IGF2: variants seen among roughly 807,000 people sequenced by gnomAD.
IGF2 encodes the protein insulin like growth factor 2.
In IGF2, 2 loss-of-function variants were observed where a neutral mutation model predicts 12.0. That is an observed-to-expected ratio of 0.17 (90% CI 0.07 to 0.52). The LOEUF (loss-of-function observed/expected upper bound fraction) is 0.52, where lower values mean the gene tolerates loss of function less well. Among genes scored for constraint, IGF2 ranks in the 20% least tolerant of loss-of-function variants. IGF2 has a pLI of 0.95. For missense variants in IGF2, 211 were observed against 268.0 expected (o/e 0.79, Z 1.48); for synonymous variants, 105 against 110.1 (o/e 0.95, Z 0.29).
the IGF2 span, chr11:2,149,186 G>A: frequency 3.1e-6 from 5 of 1,613,346 alleles, no homozygotes; most frequent in Admixed American, 3.3e-5. Flanking sequence ...GAGGACCGGG[G>A]AGTCACTGGT....
rs538267300 is a variant in IGF2 at position 2,132,902 on chromosome 11, C to T, written c.*85G>A. Reference sequence around the variant, plus strand: ...GGGGGACGTGGAACCGAGAGATTTTCGGGATGGAACCTGATGGAAACGTCC... The same window carrying T: ...GGGGGACGTGGAACCGAGAGATTTTTGGGATGGAACCTGATGGAAACGTCC... On this transcript the variant is annotated 3_prime_UTR_variant, in exon 4 of 4. Coordinates refer to ENST00000416167, the MANE Select transcript of IGF2 (RefSeq NM_000612.6). 4.2e-5 allele frequency: 40 copies of T among 947,624 alleles called. No homozygotes were observed. In the Middle Eastern group the frequency reaches 1.2e-3, roughly 27 times the overall value. 58.7% of individuals were successfully genotyped at this position (947,624 alleles called of 1,614,324 possible).
At chr11:2,135,335 C>T (rs761808178) in intron 2 of IGF2, 32 bp downstream of exon 2, 2 of 1,572,670 alleles carry the variant, frequency 1.3e-6, no homozygotes, top group Non-Finnish European at 1.7e-6. Flanking sequence ...GGGGCCTGAC[C>T]AGGTCTGAGG....
the IGF2 span, chr11:2,146,303 C>T: frequency 3.7e-6 from 2 of 536,338 alleles, no homozygotes; most frequent in South Asian, 2.8e-5. Context: ...ATTTTACAAA[C>T]CCAGCTCCTT....
chr11:2,133,118 G>C lies in IGF2; in HGVS notation c.412C>G (p.Arg138Gly), dbSNP rs371682005. The C allele has an allele frequency of 1.9e-6, 3 of 1,606,930 alleles. No homozygotes were observed. The highest frequency in any genetic ancestry group is 2.6e-6 in the Non-Finnish European group (3 of 1,176,300). ...RGLPALLRAR[R>G]GHVLAKELEA... Reference sequence around the variant, plus strand: ...AGCTCCTTGGCGAGCACGTGACCCCGGCGGGCACGCAGGAGGGCAGGCAGG... The same window carrying C: ...AGCTCCTTGGCGAGCACGTGACCCCCGCGGGCACGCAGGAGGGCAGGCAGG... Residue 138 changes from arginine to glycine, a missense_variant, in exon 4 of 4, where the codon CGG (arginine) becomes GGG (glycine). Arg to Gly is a moderately radical substitution (Grantham distance 125). Coordinates refer to ENST00000416167, the MANE Select transcript of IGF2 (RefSeq NM_000612.6). This position sits in a 1 kb window ranked among gnomAD's most constrained non-coding sequence, Gnocchi z 8.9.
At position 2,132,016 on chromosome 11, in the gene IGF2, ATC is replaced by A. The variant is rs1183929043; in HGVS notation, c.*969_*970del. The A allele has an allele frequency of 1.8e-4, 8 of 44,092 alleles. No homozygotes were observed. The South Asian group carries it at 4.0e-3, about 22-fold the overall frequency. The allele number at this position is 44,092 out of a possible 1,614,324, so 2.7% of individuals were successfully genotyped here. A position where few individuals can be genotyped will look rare whatever the true frequency, so the allele number is the denominator to read the frequency against. On this transcript the variant is annotated 3_prime_UTR_variant, in exon 4 of 4. Transcript: ENST00000416167. The stretch of plus-strand genomic sequence containing the variant: ...GCGTTTGTGTGTGTGCTGTGTGCTC[ATC>A]TGTGTGCTGTGTGTGCTGTGCGTTT...
chr11:2,140,675 G>C, upstream of IGF2: 1 of 474,662 alleles, frequency 2.1e-6, no homozygotes, highest in Non-Finnish European at 4.1e-6. Flanking sequence ...GGATTTCGGG[G>C]CGCCCAGCAG....
At chr11:2,137,560 T>A (rs1283686707) in intron 1 of IGF2, among the ~76,000 whole-genome samples, 1 of 151,404 alleles carries the variant, frequency 6.6e-6, no homozygotes, top group Non-Finnish European at 1.5e-5. Context: ...CACCTCCTTG[T>A]ATGGAAACTT....
chr11:2,142,100 G>A (rs1467923995), upstream of IGF2, among the ~76,000 whole-genome samples: 1 of 151,956 alleles, frequency 6.6e-6, no homozygotes, highest in East Asian at 1.9e-4. The surrounding 1 kb of genome is among the most constrained non-coding windows in gnomAD (Gnocchi z 5.7). Flanking sequence ...GATTTCTTGG[G>A]ACCCAGGGAC....
At position 2,133,089 on chromosome 11, in the gene IGF2, C is replaced by T. The variant is rs139194127; in HGVS notation, c.441G>A (p.Glu147=). Residue 147 remains glutamate (E), a synonymous_variant, in exon 4 of 4, where the codon GAG becomes GAA. Transcript: ENST00000416167. This position sits in a 1 kb window ranked among gnomAD's most constrained non-coding sequence, Gnocchi z 8.9. Reference sequence around the variant, plus strand: ...GGTGACGTTTGGCCTCCCTGAACGCCTCGAGCTCCTTGGCGAGCACGTGAC... The same window carrying T: ...GGTGACGTTTGGCCTCCCTGAACGCTTCGAGCTCCTTGGCGAGCACGTGAC... ...RRGHVLAKEL[E]AFREAKRHRP... is the part of the protein sequence containing the mutation. The T allele has an allele frequency of 8.0e-5, 128 of 1,608,020 alleles. No individual in the cohort carries two copies. The highest frequency in any genetic ancestry group is 5.1e-5 in the Admixed American group (3 of 59,272).
the IGF2 span, chr11:2,146,430 G>A: frequency 2.6e-5 from 14 of 532,738 alleles, no homozygotes; most frequent in South Asian, 1.1e-4. Context: ...GCGTCAGCCC[G>A]GCCGGCCTGG....
At position 2,131,792 on chromosome 11, in the gene IGF2, AGTGT is replaced by A. The variant is rs59630895; in HGVS notation, c.*1191_*1194del. On this transcript the variant is annotated 3_prime_UTR_variant, in exon 4 of 4. Transcript: ENST00000416167. ...TGTCTTTGTGTGTGTGCTGTGTGCT[AGTGT>A]GTGTGCTGTGTGTGCATGTGTGTGC... 0.63 allele frequency: 101,741 copies of A among 161,476 alleles called. 30,131 individuals carry two copies. Among genetic ancestry groups the A allele is most frequent in the Admixed American group, 0.71 (9,805 of 13,724 alleles). 10.0% of individuals were successfully genotyped at this position (161,476 alleles called of 1,614,324 possible). A position where few individuals can be genotyped will look rare whatever the true frequency, so the allele number is the denominator to read the frequency against.
At position 2,131,772 on chromosome 11, in the gene IGF2, TTGTG is replaced by T. The variant is rs552914810; in HGVS notation, c.*1211_*1214del. 60 of 177,038 alleles carry T rather than the reference TTGTG, an allele frequency of 3.4e-4. No homozygotes were observed. Among genetic ancestry groups the T allele is most frequent in the African/African-American group, 1.5e-3 (55 of 36,126 alleles). The allele number at this position is 177,038 out of a possible 1,614,324, so 11.0% of individuals were successfully genotyped here. A position where few individuals can be genotyped will look rare whatever the true frequency, so the allele number is the denominator to read the frequency against. On this transcript the variant is annotated 3_prime_UTR_variant, in exon 4 of 4. Coordinates refer to ENST00000416167, the MANE Select transcript of IGF2 (RefSeq NM_000612.6). ...GTGTGTGCATGTGTGTGCTGTGTCT[TTGTG>T]TGTGTGCTGTGTGCTAGTGTGTGTG... is the stretch of plus-strand genomic sequence containing the variant.
chr11:2,142,258 G>T (rs1161611720), upstream of IGF2, among the ~76,000 whole-genome samples: 2 of 151,836 alleles, frequency 1.3e-5, no homozygotes, highest in African/African-American at 4.8e-5. This position sits in a 1 kb window ranked among gnomAD's most constrained non-coding sequence, Gnocchi z 5.7. Context: ...ATCTCAATTT[G>T]CTTTGGAAGG....
chr11:2,137,956 C>T (rs1485872431), intron 1 of IGF2, among the ~76,000 whole-genome samples: 2 of 152,176 alleles, frequency 1.3e-5, no homozygotes, highest in Admixed American at 6.5e-5. Flanking sequence ...CGGGAAGTCG[C>T]CCCTGCAGAC....
chr11:2,143,297 T>C (rs1341316503), upstream of IGF2, among the ~76,000 whole-genome samples: 3 of 141,338 alleles, frequency 2.1e-5, no homozygotes, highest in African/African-American at 7.8e-5. Flanking sequence ...TGTGAATAGA[T>C]TTGCGGGACC....
In IGF2 at chr11:2,138,402, G is replaced by T. The variant is rs1859260226; in HGVS notation, c.-180C>A. On this transcript the variant is annotated 5_prime_UTR_variant, in exon 1 of 4. Coordinates refer to ENST00000416167, the MANE Select transcript of IGF2 (RefSeq NM_000612.6). The stretch of plus-strand genomic sequence containing the variant: ...TGGCTTTTTTTTGGGGGGGGGGGGA[G>T]AATTCGTCTGATTGTCCAGGGAGGA... The T allele has an allele frequency of 2.2e-5, 9 of 411,582 alleles. No individual in the cohort carries two copies. Among genetic ancestry groups the T allele is most frequent in the Admixed American group, 7.2e-5 (1 of 13,832 alleles). 25.5% of individuals were successfully genotyped at this position (411,582 alleles called of 1,614,324 possible). A position where few individuals can be genotyped will look rare whatever the true frequency, so the allele number is the denominator to read the frequency against.
chr11:2,133,169 G>A lies in IGF2; in HGVS notation c.361C>T (p.Gln121Ter). ...CCCCTGCGCAGGCGCTGGGTGGACT[G>A]CTTCCAGGTGTCATATTGGAAGAAC... Reference protein sequence around the residue: ...GKFFQYDTWKQSTQRLRRGLP... With the variant: ...GKFFQYDTWK Residue 121 changes from glutamine (Q) to a stop codon, truncating the protein, a stop_gained, in exon 4 of 4, where the codon CAG becomes TAG. Transcript: ENST00000416167. LOFTEE classifies it high-confidence loss of function. This position sits in a 1 kb window ranked among gnomAD's most constrained non-coding sequence, Gnocchi z 8.9. 6.3e-7 allele frequency: 1 copy of A among 1,586,696 alleles called. No homozygotes were observed. Among genetic ancestry groups the A allele is most frequent in the Non-Finnish European group, 8.6e-7 (1 of 1,165,632 alleles).
At position 2,133,147 on chromosome 11, in the gene IGF2, C is replaced by T. The variant is rs1858735511; in HGVS notation, c.383G>A (p.Arg128Lys). ...TWKQSTQRLRRGLPALLRARR... is the reference protein window; with the variant it reads ...TWKQSTQRLRKGLPALLRARR... ...GGCACGCAGGAGGGCAGGCAGGCCC[C>T]TGCGCAGGCGCTGGGTGGACTGCTT... The change falls in exon 4 of 4, where the codon AGG (arginine) becomes AAG (lysine). Residue 128 changes from arginine to lysine, a missense_variant. Transcript: ENST00000416167. The surrounding 1 kb of genome is among the most constrained non-coding windows in gnomAD (Gnocchi z 8.9). The T allele has an allele frequency of 6.2e-7, 1 of 1,602,116 alleles. No homozygotes were observed. Among genetic ancestry groups the T allele is most frequent in the Non-Finnish European group, 8.5e-7 (1 of 1,173,738 alleles).
In IGF2 at chr11:2,130,582, A is replaced by AG. The variant is rs143773245; in HGVS notation, c.*2404_*2405insC. 7.0e-3 allele frequency: 1,406 copies of AG among 200,274 alleles called. 20 individuals are homozygous for AG. Among genetic ancestry groups the AG allele is most frequent in the African/African-American group, 0.036 (1,313 of 36,940 alleles). The allele number at this position is 200,274 out of a possible 1,614,324, so 12.4% of individuals were successfully genotyped here. A position where few individuals can be genotyped will look rare whatever the true frequency, so the allele number is the denominator to read the frequency against. ...CGCATAAAGCTAAGGAGGGGTAAAAAAAAAACAAAAAAAAAAAAAAAAGGA... is the reference window on the plus strand; with the variant it reads ...CGCATAAAGCTAAGGAGGGGTAAAAAGAAAAACAAAAAAAAAAAAAAAAGGA... On this transcript the variant is annotated 3_prime_UTR_variant, in exon 4 of 4. Transcript: ENST00000416167.
Sources: allele counts gnomAD v4.1 joint callset (sites outside exome capture counted in the v4.1 genomes callset), GRCh38; gene constraint gnomAD v4.1.1; non-coding constraint Gnocchi (gnomAD v3.1); transcripts MANE v1.5; gene names NCBI Gene and HGNC (gene_info 2026-07-23, HGNC 2026-07-21).